SNTG2: variants seen among roughly 807,000 people sequenced by gnomAD.
SNTG2 encodes syntrophin gamma 2.
A neutral mutation model predicts 70.9 loss-of-function variants in SNTG2; 74 were observed. That is an observed-to-expected ratio of 1.04 (90% CI 0.86 to 1.27). The LOEUF is 1.27. SNTG2 is among the 50% of genes most tolerant of loss of function. The pLI is 0.00. For synonymous variants in SNTG2, 278 were observed against 273.8 expected (o/e 1.02, Z -0.15); for missense variants, 717 against 690.7 (o/e 1.04, Z -0.43).
chr2:1,090,218 A>G (rs1664933950), intron 2 of SNTG2, among the ~76,000 whole-genome samples: 1 of 152,212 alleles, frequency 6.6e-6, no homozygotes, highest in Non-Finnish European at 1.5e-5. Flanking sequence ...TGTTATATGA[A>G]CTGTCCAAAG....
chr2:996,411 T>A (rs571602925), intron 1 of SNTG2, among the ~76,000 whole-genome samples: 2 of 152,290 alleles, frequency 1.3e-5, no homozygotes, highest in South Asian at 4.1e-4. Context: ...GCCTAATATT[T>A]ATTGTTGTGT....
chr2:1,321,652 C>G (rs1273650148), intron 16 of SNTG2, among the ~76,000 whole-genome samples: 1 of 152,132 alleles, frequency 6.6e-6, no homozygotes, highest in Non-Finnish European at 1.5e-5. Context: ...GAGGGCCAGT[C>G]CCAGCAAAAT....
chr2:1,221,104 C>T (rs1288388665), intron 9 of SNTG2, among the ~76,000 whole-genome samples: 1 of 152,234 alleles, frequency 6.6e-6, no homozygotes, highest in Admixed American at 6.5e-5. Context: ...AATCACTCTG[C>T]ATCTGTGTCA....
chr2:1,076,972 C>T (rs1210358461), intron 1 of SNTG2, among the ~76,000 whole-genome samples: 3 of 152,084 alleles, frequency 2.0e-5, no homozygotes, highest in Admixed American at 6.6e-5. Context: ...TATGTACGTA[C>T]GTAATTCTTA....
At chr2:1,316,101 A>G (rs1681264578) in intron 15 of SNTG2, among the ~76,000 whole-genome samples, 164 bp from the exon 16 acceptor site, 1 of 152,202 alleles carries the variant, frequency 6.6e-6, no homozygotes, top group Admixed American at 6.6e-5. Context: ...CAAAGATTGA[A>G]GAATGAGAAA....
chr2:968,540 CTGATTCTTA>C (rs1429448702), intron 1 of SNTG2, among the ~76,000 whole-genome samples: 3 of 151,486 alleles, frequency 2.0e-5, no homozygotes, highest in Admixed American at 2.0e-4. Flanking sequence ...TGTGTTTTTC[CTGATTCTTA>C]AGGTGGAGTC....
intron 1 of SNTG2, among the ~76,000 whole-genome samples, chr2:965,175 ATCCTCCTCCTGGTCCCCAG>A (rs1305195179): frequency 1.0e-5 from 1 of 98,864 alleles, no homozygotes; most frequent in African/African-American, 4.0e-5. Context: ...TTGGACCCCA[ATCCTCCTCCTGGTCCCCAG>A]TCCTCCTCCT....
At chr2:1,026,115 T>G (rs1407234344) in intron 1 of SNTG2, among the ~76,000 whole-genome samples, 2 of 152,354 alleles carry the variant, frequency 1.3e-5, no homozygotes, top group South Asian at 2.1e-4. Context: ...GTTAATCAGT[T>G]TCTGGAAAAG....
chr2:982,031 CA>C (rs1418720147), intron 1 of SNTG2, among the ~76,000 whole-genome samples: 1 of 152,166 alleles, frequency 6.6e-6, no homozygotes, highest in African/African-American at 2.4e-5. Context: ...GACACACACT[CA>C]CAAGCACTTG....
At chr2:981,174 A>G (rs1253766787) in intron 1 of SNTG2, among the ~76,000 whole-genome samples, 1 of 152,188 alleles carries the variant, frequency 6.6e-6, no homozygotes, top group Non-Finnish European at 1.5e-5. Context: ...GTTTGTATCT[A>G]ACAGGAGTGT....
chr2:1,082,649 A>C (rs1199479141), intron 1 of SNTG2, among the ~76,000 whole-genome samples: 1 of 152,106 alleles, frequency 6.6e-6, no homozygotes, highest in African/African-American at 2.4e-5. Context: ...CCTGGCTGCC[A>C]CCCCTGCTCC....
At chr2:1,055,932 C>G (rs1662363524) in intron 1 of SNTG2, among the ~76,000 whole-genome samples, 1 of 152,176 alleles carries the variant, frequency 6.6e-6, no homozygotes, top group Non-Finnish European at 1.5e-5. Context: ...AGAAGACAGT[C>G]TCATCTCACC....
At chr2:1,012,500 G>A (rs1659757964) in intron 1 of SNTG2, among the ~76,000 whole-genome samples, 1 of 151,994 alleles carries the variant, frequency 6.6e-6, no homozygotes, top group South Asian at 2.1e-4. Context: ...GGTCTGGAGA[G>A]GGATTTATTC....
At chr2:1,267,334 GCACGTTT>G (rs894853509) in intron 13 of SNTG2, 24 bp from the exon 14 acceptor site, 2 of 1,560,098 alleles carry the variant, frequency 1.3e-6, no homozygotes, top group African/African-American at 2.7e-5. Context: ...TTCCAGCGCT[GCACGTTT>G]CCAATCCATG....
At chr2:1,073,539 C>T (rs1449318931) in intron 1 of SNTG2, among the ~76,000 whole-genome samples, 1 of 152,282 alleles carries the variant, frequency 6.6e-6, no homozygotes, top group Non-Finnish European at 1.5e-5. Flanking sequence ...CTTTTATATG[C>T]ACTGGGAAAC....
intron 4 of SNTG2, among the ~76,000 whole-genome samples, chr2:1,117,474 T>C (rs1389542446): frequency 6.6e-6 from 1 of 152,182 alleles, no homozygotes; most frequent in Non-Finnish European, 1.5e-5. Flanking sequence ...ATGAAATCAA[T>C]TAAAATATAA....
chr2:1,207,125 T>C (rs1434849826), intron 8 of SNTG2, among the ~76,000 whole-genome samples: 5 of 152,226 alleles, frequency 3.3e-5, no homozygotes, highest in Non-Finnish European at 5.9e-5. Context: ...CTACACAGGT[T>C]GCAGTAGTCT....
At chr2:1,326,862 G>A (rs1681785160) in intron 16 of SNTG2, among the ~76,000 whole-genome samples, 2 of 151,586 alleles carry the variant, frequency 1.3e-5, no homozygotes, top group African/African-American at 2.4e-5. Flanking sequence ...TCTCAACTTT[G>A]TATATCCTTC....
chr2:1,223,829 A>G (rs1284913975), intron 9 of SNTG2, among the ~76,000 whole-genome samples: 1 of 134,302 alleles, frequency 7.4e-6, no homozygotes, highest in Admixed American at 7.4e-5. Flanking sequence ...CCAGTTCCAC[A>G]GATGGGTGAC....
Sources: gnomAD v4.1 joint callset for allele counts (sites outside exome capture counted in the v4.1 genomes callset) on GRCh38, gnomAD v4.1.1 for gene constraint, MANE v1.5 for transcripts, NCBI Gene and HGNC (gene_info 2026-07-23, HGNC 2026-07-21) for gene names.